Variants in PPP1R12B observed in about 807,000 individuals in gnomAD.
The protein encoded by PPP1R12B is protein phosphatase 1 regulatory subunit 12B.
In PPP1R12B, 76 loss-of-function variants were observed where a neutral mutation model predicts 126.1. That is an observed-to-expected ratio of 0.60 (90% CI 0.50 to 0.73). The LOEUF is 0.73. Among genes scored for constraint, PPP1R12B ranks in the 30% least tolerant of loss-of-function variants. PPP1R12B has a pLI of 0.00. For missense variants in PPP1R12B, 1,052 were observed against 1,205.1 expected, an observed-to-expected ratio of 0.87 and a Z score of 1.88; for synonymous variants, 356 against 434.7, an observed-to-expected ratio of 0.82 and a Z score of 2.25.
At chr1:202,479,546 T>A (rs1281935854) in intron 13 of PPP1R12B, among the ~76,000 whole-genome samples, 1 of 152,190 alleles carries the variant, frequency 6.6e-6, no homozygotes, top group Non-Finnish European at 1.5e-5. Flanking sequence ...ACTCAGGGAA[T>A]GATTGGAGTT....
chr1:202,369,540 CT>C (rs1463299274), intron 1 of PPP1R12B: 1 of 157,152 alleles, frequency 6.4e-6, no homozygotes, highest in Non-Finnish European at 1.4e-5. Context: ...TGATTATTAG[CT>C]TTTCTGAGAT....
chr1:202,416,844 G>T lies in PPP1R12B; in HGVS notation c.349G>T (p.Val117Leu), dbSNP rs1356756214. ...VKFLVENRAN[V>L]NQQDNEGWTP... ...GTTTCTGGTGGAGAACAGAGCCAAT[G>T]TAAACCAGCAAGACAACGAGGGCTG... Residue 117 changes from valine (V) to leucine (L), a missense_variant, in exon 2 of 24, where the codon GTA becomes TTA. By Grantham distance (32) the Val-to-Leu change is conservative (BLOSUM62 1). Transcript: ENST00000608999. The T allele has an allele frequency of 6.2e-7, 1 of 1,613,978 alleles. No homozygotes were observed. The highest frequency in any genetic ancestry group is 1.3e-5 in the African/African-American group (1 of 74,902).
At chr1:202,484,821 C>A (rs1376672137) in intron 13 of PPP1R12B, among the ~76,000 whole-genome samples, 1 of 152,172 alleles carries the variant, frequency 6.6e-6, no homozygotes. Flanking sequence ...ATCTCATTCT[C>A]TCCTGGCCTA....
rs374224285 is a variant in PPP1R12B at position 202,416,915 on chromosome 1, A to G, written c.420A>G (p.Ala140=). 1.1e-5 allele frequency: 18 copies of G among 1,613,114 alleles called. No homozygotes were observed. In the African/African-American group the frequency reaches 2.3e-4, roughly 20 times the overall value. Residue 140 remains alanine, a splice_region_variant and synonymous_variant, in exon 2 of 24, where the codon GCA becomes GCG. Transcript: ENST00000608999. The stretch of plus-strand genomic sequence containing the variant: ...CTTCCTGTGGCTATCTCAACATAGC[A>G]GAGTGAGTGAGTCTCTGTGTGTGTG... ...AAASCGYLNI[A]EYFINHGASV...
rs918468907 is a variant in PPP1R12B at position 202,565,826 on chromosome 1, A to T, written c.2757+1279A>T. On this transcript the variant is annotated intron_variant, in intron 21 of 23. Coordinates refer to ENST00000608999, the MANE Select transcript of PPP1R12B (RefSeq NM_002481.4). The surrounding 1 kb of genome is among the most constrained non-coding windows in gnomAD (Gnocchi z 4.3). ...CTAAATCTAAAAGAGAAAAATACAC[A>T]CATAGCTATAGCCCTGCCATAAGGC... 6.6e-6 allele frequency among the ~76,000 whole-genome samples: 1 copy of T among 152,114 alleles called. No individual in the cohort carries two copies. The highest frequency in any genetic ancestry group is 1.9e-4 in the East Asian group (1 of 5,202).
chr1:202,449,823 A>G (rs1175439644), intron 13 of PPP1R12B, among the ~76,000 whole-genome samples: 1 of 151,520 alleles, frequency 6.6e-6, no homozygotes, highest in Non-Finnish European at 1.5e-5. Context: ...AGTAGCTGGG[A>G]CTACAGCTAC....
Position 202,349,154 on chromosome 1 carries a change from C to T in PPP1R12B, c.291+12C>T. 2 of 1,613,458 alleles carry T rather than the reference C, an allele frequency of 1.2e-6. No homozygotes were observed. Among genetic ancestry groups the T allele is most frequent in the East Asian group, 2.2e-5 (1 of 44,884 alleles). On this transcript the variant is annotated intron_variant, in intron 1 of 23. Transcript: ENST00000608999. ...CAGCCCTGCACCAGGTAACTCCTTTCTTGGTCTTAGAGGCGTCCAGTCTCC... is the reference window on the plus strand; with the variant it reads ...CAGCCCTGCACCAGGTAACTCCTTTTTTGGTCTTAGAGGCGTCCAGTCTCC...
At chr1:202,573,893 G>A (rs1395848571) in intron 23 of PPP1R12B, among the ~76,000 whole-genome samples, 1 of 152,118 alleles carries the variant, frequency 6.6e-6, no homozygotes, top group Non-Finnish European at 1.5e-5. Context: ...GTATGAGTCT[G>A]TTTATGAACA....
At chr1:202,480,971 G>C (rs368879786) in intron 13 of PPP1R12B, among the ~76,000 whole-genome samples, 4 of 152,200 alleles carry the variant, frequency 2.6e-5, no homozygotes, top group African/African-American at 9.7e-5. Context: ...CCACAGACTG[G>C]TGGGGGCATG....
intron 13 of PPP1R12B, among the ~76,000 whole-genome samples, chr1:202,451,495 A>G (rs527713198): frequency 2.0e-5 from 3 of 149,880 alleles, no homozygotes; most frequent in Non-Finnish European, 4.4e-5. Context: ...GGGTAAGGTC[A>G]TAGATCAACA....
Position 202,354,829 on chromosome 1 carries a change from G to GTTTT in PPP1R12B, c.291+5689_291+5690insTTTT, listed in dbSNP as rs749699370. 1.6e-5 allele frequency among the ~76,000 whole-genome samples: 2 copies of GTTTT among 128,798 alleles called. 1 individual carries two copies. The highest frequency in any genetic ancestry group is 4.7e-4 in the East Asian group (2 of 4,262). 84.5% of individuals were successfully genotyped at this position (128,798 alleles called of 152,430 possible). ...CGCCTGGCTAATTGTTTTTTTTGTT[G>GTTTT]TTGTTTTTTTTTTTGAGACGGAGTC... On this transcript the variant is annotated intron_variant, in intron 1 of 23. Transcript: ENST00000608999.
rs1245789897 is a variant in PPP1R12B at position 202,377,332 on chromosome 1, T to C, written c.291+28190T>C. Among the ~76,000 whole-genome samples, 10 of 151,922 alleles carry C rather than the reference T, an allele frequency of 6.6e-5. No individual in the cohort carries two copies. The East Asian group carries it at 1.7e-3, about 26-fold the overall frequency. On this transcript the variant is annotated intron_variant, in intron 1 of 23. Coordinates refer to ENST00000608999, the MANE Select transcript of PPP1R12B (RefSeq NM_002481.4). ...GAAGGGTAGTATCTTTTTTTTTTTT[T>C]CGCTCTGTCGCCCAGGCTGGAGTTC...
intron 18 of PPP1R12B, among the ~76,000 whole-genome samples, chr1:202,534,563 C>CTTTT (rs34606007): frequency 1.5e-5 from 2 of 132,946 alleles, no homozygotes; most frequent in Non-Finnish European, 3.2e-5. Context: ...CTAGCTTTCC[C>CTTTT]TTTTTTTTTT....
At chr1:202,567,672 T>C (rs1175905968) in intron 21 of PPP1R12B, 106 bp from the exon 22 acceptor site, 7 of 1,249,418 alleles carry the variant, frequency 5.6e-6, no homozygotes, top group Non-Finnish European at 8.0e-6. Context: ...GTCCAAAGTT[T>C]TACTGTTTAT....
intron 13 of PPP1R12B, among the ~76,000 whole-genome samples, chr1:202,450,544 A>G (rs1015865135): frequency 2.0e-5 from 3 of 152,250 alleles, no homozygotes; most frequent in Non-Finnish European, 4.4e-5. Flanking sequence ...ATCAAAATTT[A>G]GATTTCAGTT....
intron 1 of PPP1R12B, among the ~76,000 whole-genome samples, chr1:202,405,693 C>T (rs191889606): frequency 6.6e-6 from 1 of 152,268 alleles, no homozygotes; most frequent in East Asian, 1.9e-4. Flanking sequence ...GAACACAAAA[C>T]TACTTAACCA....
Position 202,349,016 on chromosome 1 carries a change from C to T in PPP1R12B, c.165C>T (p.Arg55=), listed in dbSNP as rs1421486856. 8 of 1,610,702 alleles carry T rather than the reference C, an allele frequency of 5.0e-6. No individual in the cohort carries two copies. The highest frequency in any genetic ancestry group is 6.8e-6 in the Non-Finnish European group (8 of 1,178,814). The change falls in exon 1 of 24, where the codon CGC becomes CGT. Residue 55 remains arginine, a synonymous_variant. Transcript: ENST00000608999. ...PLTRRGSPRV[R]FEDGAVFLAA... ...CCAGGCGCGGGAGCCCCAGGGTCCGCTTCGAGGACGGTGCTGTCTTTCTGG... is the reference window on the plus strand; with the variant it reads ...CCAGGCGCGGGAGCCCCAGGGTCCGTTTCGAGGACGGTGCTGTCTTTCTGG...
chr1:202,482,338 G>T, intron 13 of PPP1R12B, among the ~76,000 whole-genome samples: 1 of 152,170 alleles, frequency 6.6e-6, no homozygotes, highest in Non-Finnish European at 1.5e-5. Flanking sequence ...GGCTGTACTA[G>T]CTTACAGTCC....
At chr1:202,546,570 C>T (rs1433182655) in intron 18 of PPP1R12B, among the ~76,000 whole-genome samples, 1 of 152,016 alleles carries the variant, frequency 6.6e-6, no homozygotes, top group Admixed American at 6.6e-5. Flanking sequence ...CACCACTGCA[C>T]TCCAGCCTGG....
Sources: allele counts gnomAD v4.1 joint callset (sites outside exome capture counted in the v4.1 genomes callset), GRCh38; gene constraint gnomAD v4.1.1; non-coding constraint Gnocchi (gnomAD v3.1); transcripts MANE v1.5; gene names NCBI Gene and HGNC (gene_info 2026-07-23, HGNC 2026-07-21).